Variants in AGBL4 observed in about 807,000 individuals in gnomAD.
AGBL4 encodes the protein cytosolic carboxypeptidase 6.
In AGBL4, 58 loss-of-function variants were observed where a neutral mutation model predicts 66.4. The ratio of observed to expected loss-of-function variants is 0.87; its 90% CI spans 0.71 to 1.09. AGBL4 has a LOEUF of 1.09. Among genes scored for constraint, AGBL4 ranks in the 50% least tolerant of loss-of-function variants. The pLI, the probability that AGBL4 is intolerant of heterozygous loss-of-function variation, is 0.00. For synonymous variants in AGBL4, 234 were observed against 222.9 expected, an observed-to-expected ratio of 1.05 and a Z score of -0.44; for missense variants, 579 against 631.0, an observed-to-expected ratio of 0.92 and a Z score of 0.88.
At chr1:49,681,374 G>A (rs1342598048) in intron 3 of AGBL4, among the ~76,000 whole-genome samples, 1 of 152,122 alleles carries the variant, frequency 6.6e-6, no homozygotes, top group Non-Finnish European at 1.5e-5. Flanking sequence ...TAGAAGAAAA[G>A]GGGAGGTTAC....
chr1:48,821,686 C>G (rs1247963074), intron 6 of AGBL4, among the ~76,000 whole-genome samples: 1 of 152,090 alleles, frequency 6.6e-6, no homozygotes, highest in Non-Finnish European at 1.5e-5. Context: ...AAGCCCAAAC[C>G]TCACCATTAT....
chr1:48,557,392 G>C (rs1644336394), intron 11 of AGBL4, among the ~76,000 whole-genome samples: 1 of 152,218 alleles, frequency 6.6e-6, no homozygotes, highest in African/African-American at 2.4e-5. Flanking sequence ...GCAGGGGTGG[G>C]TATGGAGGCA....
intron 5 of AGBL4, among the ~76,000 whole-genome samples, chr1:48,944,842 C>A (rs1297289969): frequency 3.9e-5 from 6 of 152,146 alleles, no homozygotes; most frequent in African/African-American, 1.2e-4. Context: ...GGAAATAACA[C>A]CTCATATTAT....
chr1:48,851,932 A>G (rs1006681855), intron 6 of AGBL4, among the ~76,000 whole-genome samples: 4 of 151,266 alleles, frequency 2.6e-5, no homozygotes, highest in African/African-American at 4.8e-5. Flanking sequence ...AAAAAAAGAG[A>G]TATCTGTGGT....
chr1:49,463,672 CTG>C (rs1430349420), intron 3 of AGBL4, among the ~76,000 whole-genome samples: 1 of 151,686 alleles, frequency 6.6e-6, no homozygotes, highest in Non-Finnish European at 1.5e-5. Flanking sequence ...GAAAGGGATT[CTG>C]TGTAACCTAA....
At chr1:49,693,172 T>C (rs1464307728) in intron 3 of AGBL4, among the ~76,000 whole-genome samples, 2 of 152,180 alleles carry the variant, frequency 1.3e-5, no homozygotes, top group African/African-American at 4.8e-5. Flanking sequence ...TCACTGCTGA[T>C]AGGACAGTAA....
At chr1:49,852,922 T>C (rs1444349101) in intron 1 of AGBL4, among the ~76,000 whole-genome samples, 2 of 151,642 alleles carry the variant, frequency 1.3e-5, no homozygotes, top group Non-Finnish European at 2.9e-5. Flanking sequence ...AAGATAACCA[T>C]AGCAACAAAG....
intron 2 of AGBL4, among the ~76,000 whole-genome samples, chr1:49,783,826 C>T (rs759250032): frequency 2.0e-5 from 3 of 151,812 alleles, no homozygotes; most frequent in Admixed American, 1.3e-4. Context: ...TATCAACACA[C>T]CAAAAAAATT....
At chr1:48,775,895 G>A (rs370664835) in intron 6 of AGBL4, among the ~76,000 whole-genome samples, 1 of 152,186 alleles carries the variant, frequency 6.6e-6, no homozygotes, top group East Asian at 1.9e-4. Context: ...CTCTCATTCA[G>A]GGAGCCTTCT....
At chr1:48,701,423 T>A (rs955068747) in intron 6 of AGBL4, among the ~76,000 whole-genome samples, 67 of 150,692 alleles carry the variant, frequency 4.4e-4, no homozygotes, top group Non-Finnish European at 9.1e-4. Context: ...ATGTTCTACC[T>A]AATACCAGAT....
chr1:49,907,124 T>C (rs747375808), intron 1 of AGBL4, among the ~76,000 whole-genome samples: 7 of 152,146 alleles, frequency 4.6e-5, no homozygotes, highest in African/African-American at 7.2e-5. Flanking sequence ...TCATATCATA[T>C]GAGTTGAATT....
In AGBL4 at chr1:49,485,158, G is replaced by A. The variant is rs561612044; in HGVS notation, c.282+212155C>T. The stretch of plus-strand genomic sequence containing the variant: ...TGCTGCTATAAAGACACATGCACAC[G>A]TATGTTTAATGTGGCACTATTCACA... On this transcript the variant is annotated intron_variant, in intron 3 of 13. Transcript: ENST00000371839. Among the ~76,000 whole-genome samples the A allele has an allele frequency of 6.7e-4, 101 of 151,110 alleles. No individual in the cohort carries two copies. In the East Asian group the frequency reaches 0.015, roughly 23 times the overall value.
chr1:49,406,450 G>A (rs921581467), intron 3 of AGBL4, among the ~76,000 whole-genome samples: 17 of 152,202 alleles, frequency 1.1e-4, no homozygotes, highest in South Asian at 2.1e-4. Flanking sequence ...GAAGATGTTC[G>A]TTGAAGCATT....
chr1:49,445,176 A>T (rs533445589), intron 3 of AGBL4, among the ~76,000 whole-genome samples: 1 of 152,106 alleles, frequency 6.6e-6, no homozygotes, highest in South Asian at 2.1e-4. Flanking sequence ...AGCACTTTGA[A>T]TACATCATTA....
At chr1:48,673,640 CT>C (rs1646312414) in intron 6 of AGBL4, among the ~76,000 whole-genome samples, 2 of 152,134 alleles carry the variant, frequency 1.3e-5, no homozygotes, top group Non-Finnish European at 2.9e-5. Context: ...CTGAATTGTT[CT>C]GGGCTGAGAA....
At chr1:49,971,487 C>T (rs1289349481) in intron 1 of AGBL4, among the ~76,000 whole-genome samples, 1 of 151,964 alleles carries the variant, frequency 6.6e-6, no homozygotes, top group African/African-American at 2.4e-5. Flanking sequence ...AAAGAGCTTC[C>T]TTTAAATAAG....
intron 4 of AGBL4, among the ~76,000 whole-genome samples, chr1:49,172,478 G>A (rs532114248): frequency 3.3e-5 from 5 of 152,302 alleles, no homozygotes; most frequent in African/African-American, 1.2e-4. Context: ...TAGGAAGAGA[G>A]AGAGAGTAAT....
At chr1:49,920,521 C>G (rs1652112048) in intron 1 of AGBL4, among the ~76,000 whole-genome samples, 1 of 152,120 alleles carries the variant, frequency 6.6e-6, no homozygotes, top group African/African-American at 2.4e-5. Flanking sequence ...CACAGAAATG[C>G]AAATCAAAAC....
chr1:49,754,530 C>A (rs1651741564), intron 2 of AGBL4, among the ~76,000 whole-genome samples: 1 of 152,154 alleles, frequency 6.6e-6, no homozygotes, highest in African/African-American at 2.4e-5. Context: ...GCCTGTGCAA[C>A]AGCAAAGATT....
Sources: gnomAD v4.1 joint callset for allele counts (sites outside exome capture counted in the v4.1 genomes callset) on GRCh38, gnomAD v4.1.1 for gene constraint, MANE v1.5 for transcripts, NCBI Gene and HGNC (gene_info 2026-07-23, HGNC 2026-07-21) for gene names.